AP2B1: variants seen among roughly 807,000 people sequenced by gnomAD.
AP2B1 encodes adaptor related protein complex 2 subunit beta 1.
A neutral mutation model predicts 102.0 loss-of-function variants in AP2B1; 23 were observed. The observed-to-expected ratio is 0.23, with a 90% CI of 0.16 to 0.32. AP2B1 has a LOEUF of 0.32. Ranked by LOEUF, AP2B1 falls within the 10% of genes least tolerant of loss-of-function variation. The pLI, the probability that AP2B1 is intolerant of heterozygous loss-of-function variation, is 1.00. For synonymous variants in AP2B1, 381 were observed against 421.2 expected, an observed-to-expected ratio of 0.90 and a Z score of 1.17; for missense variants, 541 against 1,157.4, an observed-to-expected ratio of 0.47 and a Z score of 7.73.
chr17:35,657,540 T>A, intron 13 of AP2B1, 59 bp from the exon 14 acceptor site: 1 of 1,434,062 alleles, frequency 7.0e-7, no homozygotes, highest in Non-Finnish European at 9.6e-7. Flanking sequence ...GTTGCGATGT[T>A]ATGTCCTAGG....
intron 20 of AP2B1, among the ~76,000 whole-genome samples, chr17:35,716,560 C>T (rs1279251998): frequency 6.6e-6 from 1 of 151,874 alleles, no homozygotes; most frequent in Non-Finnish European, 1.5e-5. Flanking sequence ...TTATTATTTT[C>T]GAGGCATAGT....
chr17:35,632,938 TTAA>T (rs1164071190), intron 9 of AP2B1, among the ~76,000 whole-genome samples: 1 of 151,716 alleles, frequency 6.6e-6, no homozygotes, highest in African/African-American at 2.4e-5. Flanking sequence ...AATTATAATA[TTAA>T]TAAATATAGC....
In AP2B1 at chr17:35,723,729, C is replaced by G; in HGVS notation, c.*30C>G. ...ACTGGTCCAGTACCCTTCAACCATG[C>G]TGTGATCGGTGCAAGTCAAGAACTC... On this transcript the variant is annotated 3_prime_UTR_variant, in exon 22 of 22. Coordinates refer to ENST00000610402, the MANE Select transcript of AP2B1 (RefSeq NM_001030006.2). The G allele has an allele frequency of 6.7e-7, 1 of 1,486,846 alleles. No homozygotes were observed. The highest frequency in any genetic ancestry group is 9.4e-7 in the Non-Finnish European group (1 of 1,064,734). 92.1% of individuals were successfully genotyped at this position (1,486,846 alleles called of 1,614,324 possible).
chr17:35,714,729 GA>G (rs2076518684), intron 20 of AP2B1, among the ~76,000 whole-genome samples: 1 of 152,030 alleles, frequency 6.6e-6, no homozygotes, highest in Admixed American at 6.6e-5. Context: ...AGAAAGCAAG[GA>G]AGGAAAAAGA....
At chr17:35,595,647 G>C (rs1345694948) in intron 2 of AP2B1, among the ~76,000 whole-genome samples, 2 of 152,120 alleles carry the variant, frequency 1.3e-5, no homozygotes, top group Non-Finnish European at 2.9e-5. Context: ...AGATTTGATT[G>C]GGGGGAGGAG....
At chr17:35,623,902 A>G (rs749716105) in intron 5 of AP2B1, among the ~76,000 whole-genome samples, 22 of 152,326 alleles carry the variant, frequency 1.4e-4, no homozygotes, top group Non-Finnish European at 1.2e-4. Context: ...ATTGTATACT[A>G]GTGAACTAGG....
At chr17:35,643,944 C>T (rs1452866823) in intron 12 of AP2B1, among the ~76,000 whole-genome samples, 1 of 152,232 alleles carries the variant, frequency 6.6e-6, no homozygotes, top group African/African-American at 2.4e-5. Flanking sequence ...CTTAGAATCA[C>T]ATTTAACAAT....
intron 5 of AP2B1, among the ~76,000 whole-genome samples, chr17:35,612,685 A>C (rs1303841404): frequency 6.6e-6 from 1 of 152,154 alleles, no homozygotes; most frequent in Non-Finnish European, 1.5e-5. Flanking sequence ...TCTTCCTAAA[A>C]TCATGCAGCT....
chr17:35,702,319 A>G (rs1040367610), intron 18 of AP2B1, among the ~76,000 whole-genome samples: 1 of 152,232 alleles, frequency 6.6e-6, no homozygotes, highest in South Asian at 2.1e-4. Context: ...TGGTTAAAGC[A>G]AAGACTCAAA....
intron 16 of AP2B1, among the ~76,000 whole-genome samples, chr17:35,673,178 T>C (rs2075626514): frequency 6.6e-6 from 1 of 152,172 alleles, no homozygotes; most frequent in African/African-American, 2.4e-5. Flanking sequence ...TATTCTGTCT[T>C]AGGTGGTCAG....
At chr17:35,721,514 G>A (rs1167376605) in intron 21 of AP2B1, among the ~76,000 whole-genome samples, 1 of 152,188 alleles carries the variant, frequency 6.6e-6, no homozygotes, top group Admixed American at 6.5e-5. Context: ...GTCAGAGGCT[G>A]GGGTGGAGGT....
intron 17 of AP2B1, among the ~76,000 whole-genome samples, chr17:35,676,719 G>A (rs1228034776): frequency 6.6e-6 from 1 of 152,150 alleles, no homozygotes; most frequent in Admixed American, 6.5e-5. Context: ...CTGTGTAGTA[G>A]TGTCTCATTT....
Position 35,641,931 on chromosome 17 carries a change from G to C in AP2B1, c.1492G>C (p.Glu498Gln). 6.2e-7 allele frequency: 1 copy of C among 1,612,622 alleles called. No individual in the cohort carries two copies. The highest frequency in any genetic ancestry group is 1.1e-5 in the South Asian group (1 of 90,914). ...IVKLFLKKPS[E>Q]TQELVQQVLS... ...GAAGCTGTTTCTCAAGAAACCATCA[G>C]AAACACAGGAGCTAGTCCAGCAGGT... Residue 498 changes from glutamate (E) to glutamine (Q), a missense_variant, in exon 12 of 22, where the codon GAA (glutamate) becomes CAA (glutamine). This residue lies in a region of AP2B1 where 106 missense variants were observed against 296.4 expected (regional missense o/e 0.36). Transcript: ENST00000610402.
chr17:35,629,313 C>G (rs374800298), intron 9 of AP2B1, among the ~76,000 whole-genome samples: 45 of 152,016 alleles, frequency 3.0e-4, no homozygotes, highest in African/African-American at 1.1e-3. Context: ...CTATATTATT[C>G]CTGTTCCTTA....
At chr17:35,711,425 A>C (rs1568039263) in intron 20 of AP2B1, among the ~76,000 whole-genome samples, 1 of 142,422 alleles carries the variant, frequency 7.0e-6, no homozygotes, top group Non-Finnish European at 1.6e-5. Flanking sequence ...AAAAAAAAAA[A>C]CACACACACA....
Position 35,717,359 on chromosome 17 carries a change from T to G in AP2B1, c.2781+10T>G. 1 of 1,614,060 alleles carries G rather than the reference T, an allele frequency of 6.2e-7. No homozygotes were observed. Among genetic ancestry groups the G allele is most frequent in the Non-Finnish European group, 8.5e-7 (1 of 1,179,910 alleles). Reference sequence around the variant, plus strand: ...AAACCCCAATTACACGGTAAGGCCTTTCTCAGAATGGGTGAGATGGATTAG... The same window carrying G: ...AAACCCCAATTACACGGTAAGGCCTGTCTCAGAATGGGTGAGATGGATTAG... On this transcript the variant is annotated intron_variant, in intron 21 of 21. Transcript: ENST00000610402.
intron 1 of AP2B1, among the ~76,000 whole-genome samples, chr17:35,593,799 G>A (rs2073174685): frequency 6.6e-6 from 1 of 152,124 alleles, no homozygotes; most frequent in African/African-American, 2.4e-5. Flanking sequence ...GTTGCATTTG[G>A]CCTTTAGATT....
rs559893816 is a variant in AP2B1 at position 35,592,967 on chromosome 17, G to A, written c.-23-1041G>A. 3.3e-5 allele frequency among the ~76,000 whole-genome samples: 5 copies of A among 152,272 alleles called. 1 individual carries two copies. The South Asian group carries it at 8.3e-4, about 25-fold the overall frequency. The stretch of plus-strand genomic sequence containing the variant: ...AGACTGTGCCGTTTTTGTTAGTAGA[G>A]CCATTTGTCATCTGGATTACTTCTT... On this transcript the variant is annotated intron_variant, in intron 1 of 21. Coordinates refer to ENST00000610402, the MANE Select transcript of AP2B1 (RefSeq NM_001030006.2).
chr17:35,687,885 T>C (rs943363260), intron 18 of AP2B1, among the ~76,000 whole-genome samples: 3 of 152,224 alleles, frequency 2.0e-5, no homozygotes, highest in African/African-American at 4.8e-5. Flanking sequence ...ATATATTCTT[T>C]GAAGCTGAGC....
Sources: gnomAD v4.1 joint callset for allele counts (sites outside exome capture counted in the v4.1 genomes callset) on GRCh38, gnomAD v4.1.1 for gene constraint, gnomAD v4.1.1 regional missense constraint, MANE v1.5 for transcripts, NCBI Gene and HGNC (gene_info 2026-07-23, HGNC 2026-07-21) for gene names.